SMARCA1: variants seen among roughly 807,000 people sequenced by gnomAD.
SMARCA1 encodes SNF2 related chromatin remodeling ATPase 1.
Under a neutral mutation model 93.6 loss-of-function variants are expected in SMARCA1, and 17 were observed. The observed-to-expected ratio is 0.18, with a 90% CI of 0.12 to 0.27. The LOEUF (loss-of-function observed/expected upper bound fraction) is 0.27. Among genes scored for constraint, SMARCA1 ranks in the 10% least tolerant of loss-of-function variants. The probability of loss-of-function intolerance (pLI) is 1.00; values close to 1 mark genes in which losing one functional copy is unlikely to be tolerated. For missense variants in SMARCA1, 630 were observed against 819.0 expected (o/e 0.77, Z 2.82); for synonymous variants, 271 against 271.4 (o/e 1.00, Z 0.01).
chrX:129,472,086 T>C (rs1933152095), intron 19 of SMARCA1, among the ~76,000 whole-genome samples: 1 of 112,023 alleles, frequency 8.9e-6, no homozygotes, highest in African/African-American at 3.2e-5. Context: ...ATCTCAAAAC[T>C]GTAGCCTGCA....
Position 129,523,185 on chromosome X carries a change from C to A in SMARCA1, c.174+12G>T. ...GATTTGTCCACCACACACACACCCCCTTCCTATTTACCTCCTTCTTCTTCT... is the reference window on the plus strand; with the variant it reads ...GATTTGTCCACCACACACACACCCCATTCCTATTTACCTCCTTCTTCTTCT... On this transcript the variant is annotated intron_variant, in intron 1 of 24. Coordinates refer to ENST00000371121, the MANE Select transcript of SMARCA1 (RefSeq NM_001282874.2). The A allele has an allele frequency of 1.7e-6, 2 of 1,210,460 alleles. No individual in the cohort carries two copies. The highest frequency in any genetic ancestry group is 2.2e-6 in the Non-Finnish European group (2 of 894,476).
chrX:129,459,461 A>G (rs962779580), intron 23 of SMARCA1, among the ~76,000 whole-genome samples: 2 of 112,516 alleles, frequency 1.8e-5, no homozygotes, highest in Non-Finnish European at 3.8e-5. Flanking sequence ...TCCTCACAAG[A>G]TAACGCATAA....
At chrX:129,475,557 C>T (rs1412907362) in intron 19 of SMARCA1, among the ~76,000 whole-genome samples, 1 of 111,440 alleles carries the variant, frequency 9.0e-6, no homozygotes, top group Non-Finnish European at 1.9e-5. Flanking sequence ...AATTACAGAC[C>T]AATAGTACTG....
intron 3 of SMARCA1, 79 bp from the exon 4 acceptor site, chrX:129,516,073 T>G (rs766668295): frequency 1.3e-6 from 1 of 760,982 alleles, no homozygotes; most frequent in Non-Finnish European, 1.9e-6. Context: ...ATGGCTATTA[T>G]CTTTTATAGA....
At chrX:129,472,593 T>C (rs1933181426) in intron 19 of SMARCA1, among the ~76,000 whole-genome samples, 1 of 111,823 alleles carries the variant, frequency 8.9e-6, no homozygotes, top group Admixed American at 9.5e-5. Flanking sequence ...TAATCATCAG[T>C]ATCAGGCAAT....
chrX:129,503,372 A>T (rs1417032868), intron 9 of SMARCA1, among the ~76,000 whole-genome samples: 1 of 112,274 alleles, frequency 8.9e-6, no homozygotes, highest in Non-Finnish European at 1.9e-5. Flanking sequence ...AGCAAAATTG[A>T]AGCCCAGAAG....
chrX:129,484,195 G>A (rs1933797205), intron 17 of SMARCA1, among the ~76,000 whole-genome samples: 1 of 112,038 alleles, frequency 8.9e-6, no homozygotes, highest in African/African-American at 3.2e-5. Context: ...AAGCTCCACT[G>A]GTATTTAGAC....
chrX:129,512,105 C>A, intron 5 of SMARCA1, 122 bp from the exon 6 acceptor site: 1 of 516,144 alleles, frequency 1.9e-6, no homozygotes, highest in Non-Finnish European at 3.2e-6. Flanking sequence ...ATGTTTCTAC[C>A]AATGAAAAGT....
At chrX:129,453,358 G>T (rs1206929500) in intron 23 of SMARCA1, among the ~76,000 whole-genome samples, 2 of 111,504 alleles carry the variant, frequency 1.8e-5, no homozygotes, top group Non-Finnish European at 3.8e-5. Flanking sequence ...TCCACTGGAA[G>T]CATTCCCTAT....
At chrX:129,518,329 G>T in intron 2 of SMARCA1, 32 bp downstream of exon 2, 1 of 825,801 alleles carries the variant, frequency 1.2e-6, no homozygotes, top group Non-Finnish European at 1.7e-6. Flanking sequence ...ATTAATTACA[G>T]CATTCACTAT....
In SMARCA1 at chrX:129,457,966, A is replaced by C. The variant is rs763358972; in HGVS notation, c.3030+7554T>G. Among the ~76,000 whole-genome samples the C allele has an allele frequency of 3.6e-5, 4 of 111,588 alleles. No individual in the cohort carries two copies. The East Asian group carries it at 1.1e-3, about 31-fold the overall frequency. On this transcript the variant is annotated intron_variant, in intron 23 of 24. Transcript: ENST00000371121. The stretch of plus-strand genomic sequence containing the variant: ...CCCTTTTCTTAAAGAATTGCATAAC[A>C]CTTATATCAACCCTTGGTTATAATT...
In SMARCA1 at chrX:129,498,006, C is replaced by A; in HGVS notation, c.1343G>T (p.Arg448Leu). The A allele has an allele frequency of 1.7e-6, 2 of 1,207,611 alleles. No individual in the cohort carries two copies. Among genetic ancestry groups the A allele is most frequent in the East Asian group, 3.0e-5 (1 of 33,819 alleles). Residue 448 changes from arginine (R) to leucine (L), a missense_variant, in exon 11 of 25, where the codon CGA becomes CTA. By Grantham distance (102) the Arg-to-Leu change is moderately radical. Around this residue, in one of 4 missense-constraint regions of SMARCA1, gnomAD observed 382 missense variants for 537.9 expected, o/e 0.71. Coordinates refer to ENST00000371121, the MANE Select transcript of SMARCA1 (RefSeq NM_001282874.2). The part of the protein sequence containing the change: ...LNSSGKMDKM[R>L]LLNILMQLRK... ...AAGCTGCATCAGAATGTTTAAGAGTCGCATCTTGTCCATCTTGCCAGAAGA... is the reference window on the plus strand; with the variant it reads ...AAGCTGCATCAGAATGTTTAAGAGTAGCATCTTGTCCATCTTGCCAGAAGA...
chrX:129,496,441 G>A (rs775262159), intron 12 of SMARCA1, among the ~76,000 whole-genome samples: 1 of 110,213 alleles, frequency 9.1e-6, no homozygotes, highest in Non-Finnish European at 1.9e-5. Context: ...TTGGAGGTTA[G>A]AGAGTAAGGT....
At chrX:129,504,569 A>AAAAAAC (rs1934724090) in intron 9 of SMARCA1, among the ~76,000 whole-genome samples, 165 bp downstream of exon 9, 1 of 98,404 alleles carries the variant, frequency 1.0e-5, no homozygotes, top group African/African-American at 4.1e-5. Context: ...AAAAAAAAAA[A>AAAAAAC]AAAAAAAAAA....
chrX:129,484,370 C>A (rs1933803844), intron 17 of SMARCA1, among the ~76,000 whole-genome samples: 1 of 111,493 alleles, frequency 9.0e-6, no homozygotes, highest in Non-Finnish European at 1.9e-5. Flanking sequence ...TCCATCTCAG[C>A]AGGATAAAAT....
intron 6 of SMARCA1, among the ~76,000 whole-genome samples, chrX:129,511,000 T>C (rs371448642): frequency 8.9e-5 from 10 of 111,869 alleles, no homozygotes; most frequent in African/African-American, 2.9e-4. Flanking sequence ...TTTGAGGATA[T>C]CTTTAGATAA....
intron 17 of SMARCA1, among the ~76,000 whole-genome samples, chrX:129,486,186 A>G (rs1933876764): frequency 9.1e-6 from 1 of 110,340 alleles, no homozygotes; most frequent in Non-Finnish European, 1.9e-5. Context: ...ACTAGATTAG[A>G]TCCCCTGGAA....
intron 6 of SMARCA1, among the ~76,000 whole-genome samples, chrX:129,509,593 T>C (rs1934953059): frequency 8.9e-6 from 1 of 112,443 alleles, no homozygotes; most frequent in Admixed American, 9.5e-5. Context: ...ATTTTTAATT[T>C]AAATTAGCTC....
rs920562330 is a variant in SMARCA1 at position 129,480,790 on chromosome X, T to C, written c.2353A>G (p.Asn785Asp). The C allele has an allele frequency of 1.1e-5, 13 of 1,156,063 alleles. No homozygotes were observed. Among genetic ancestry groups the C allele is most frequent in the Non-Finnish European group, 1.4e-5 (12 of 871,090 alleles). ...GGGAAAAATTGAAAATCCTGAACAT[T>C]TGGCTGTTTTGGAGGCCGTGGAGCC... ...PKAPRPPKQPNVQDFQFFPPR... is the reference protein window; with the variant it reads ...PKAPRPPKQPDVQDFQFFPPR... The change falls in exon 19 of 25, where the codon AAT becomes GAT. Residue 785 changes from asparagine to aspartate, a missense_variant. This residue lies in a region of SMARCA1 where 382 missense variants were observed against 537.9 expected (regional missense o/e 0.71). Coordinates refer to ENST00000371121, the MANE Select transcript of SMARCA1 (RefSeq NM_001282874.2).
Sources: gnomAD v4.1 joint callset for allele counts (sites outside exome capture counted in the v4.1 genomes callset) on GRCh38, gnomAD v4.1.1 for gene constraint, gnomAD v4.1.1 regional missense constraint, MANE v1.5 for transcripts, NCBI Gene and HGNC (gene_info 2026-07-23, HGNC 2026-07-21) for gene names.